NFAM1: variants seen among roughly 807,000 people sequenced by gnomAD.
NFAM1 encodes NFAT activating protein with ITAM motif 1.
Under a neutral mutation model 29.0 loss-of-function variants are expected in NFAM1, and 17 were observed. The observed-to-expected ratio is 0.59, with a 90% CI of 0.40 to 0.88. The LOEUF (loss-of-function observed/expected upper bound fraction) is 0.88, where lower values mean the gene tolerates loss of function less well. Among genes scored for constraint, NFAM1 ranks in the 40% least tolerant of loss-of-function variants. NFAM1 has a pLI of 0.00. For missense variants in NFAM1, 324 were observed against 344.6 expected (o/e 0.94, Z 0.47); for synonymous variants, 175 against 147.2 (o/e 1.19, Z -1.36).
chr22:42,395,016 A>C (rs950232989), intron 4 of NFAM1, among the ~76,000 whole-genome samples: 1 of 152,160 alleles, frequency 6.6e-6, no homozygotes, highest in Non-Finnish European at 1.5e-5. Flanking sequence ...TCTACAAAAA[A>C]TTAAAAAATT....
At chr22:42,386,567 C>G (rs958871124) in intron 5 of NFAM1, among the ~76,000 whole-genome samples, 8 of 152,180 alleles carry the variant, frequency 5.3e-5, no homozygotes, top group African/African-American at 1.7e-4. Flanking sequence ...CCAACACCAA[C>G]CTGGGGGCAG....
rs372083176 is a variant in NFAM1 at position 42,387,173 on chromosome 22, G to A, written c.664-95C>T. 3.1e-5 allele frequency: 21 copies of A among 680,184 alleles called. No individual in the cohort carries two copies. The East Asian group carries it at 3.8e-4, about 12-fold the overall frequency. The allele number at this position is 680,184 out of a possible 1,614,324, so 42.1% of individuals were successfully genotyped here. On this transcript the variant is annotated intron_variant, in intron 4 of 5. Coordinates refer to ENST00000329021, the MANE Select transcript of NFAM1 (RefSeq NM_145912.8). Reference sequence around the variant, plus strand: ...CCCCCTGCCTGTTACACACCCCACCGTGGGAGCCCAGGGGAGGGTGAAGCC... The same window carrying A: ...CCCCCTGCCTGTTACACACCCCACCATGGGAGCCCAGGGGAGGGTGAAGCC...
chr22:42,429,399 T>C (rs2146559849), intron 1 of NFAM1, among the ~76,000 whole-genome samples: 1 of 152,232 alleles, frequency 6.6e-6, no homozygotes, highest in East Asian at 1.9e-4. Flanking sequence ...GGGGATCACC[T>C]GAGGTCAGGA....
At chr22:42,427,291 A>G (rs1930654564) in intron 1 of NFAM1, among the ~76,000 whole-genome samples, 1 of 151,992 alleles carries the variant, frequency 6.6e-6, no homozygotes, top group Admixed American at 6.6e-5. Flanking sequence ...CCCATTCACT[A>G]CACAGGGGGT....
At chr22:42,398,096 C>T in intron 3 of NFAM1, 140 bp from the exon 4 acceptor site, 2 of 573,146 alleles carry the variant, frequency 3.5e-6, no homozygotes, top group Non-Finnish European at 6.2e-6. Flanking sequence ...TCACCCTCTC[C>T]AGGGAAACAT....
intron 1 of NFAM1, among the ~76,000 whole-genome samples, chr22:42,426,445 A>G (rs947405095): frequency 1.3e-5 from 2 of 152,154 alleles, no homozygotes; most frequent in Admixed American, 1.3e-4. Context: ...CCTAGAATGA[A>G]GCCCCCAGGT....
chr22:42,424,911 G>GTATTCATT (rs1930574493), intron 1 of NFAM1, among the ~76,000 whole-genome samples: 1 of 147,804 alleles, frequency 6.8e-6, no homozygotes, highest in African/African-American at 2.5e-5. Flanking sequence ...CTTTCTTTTC[G>GTATTCATT]TATTTATTTA....
intron 3 of NFAM1, among the ~76,000 whole-genome samples, chr22:42,400,523 C>T (rs1929690831): frequency 6.6e-6 from 1 of 152,160 alleles, no homozygotes; most frequent in Admixed American, 6.5e-5. Flanking sequence ...GAGGCTGAGG[C>T]AGAGAATTGC....
intron 5 of NFAM1, 147 bp from the exon 6 acceptor site, chr22:42,385,367 C>T: frequency 1.5e-6 from 1 of 666,612 alleles, no homozygotes; most frequent in Non-Finnish European, 2.7e-6. Flanking sequence ...TGTCTCCAAG[C>T]CCACCTCCCC....
In NFAM1 at chr22:42,411,715, G is replaced by A. The variant is rs1409125546; in HGVS notation, c.143C>T (p.Thr48Ile). The A allele has an allele frequency of 6.2e-7, 1 of 1,613,752 alleles. No individual in the cohort carries two copies. Among genetic ancestry groups the A allele is most frequent in the Non-Finnish European group, 8.5e-7 (1 of 1,179,656 alleles). ...CAGGGAGGCCATGATGGGCAGGCCGGTGTGGGTCACTGACTGTCCTCCTGG... is the reference window on the plus strand; with the variant it reads ...CAGGGAGGCCATGATGGGCAGGCCGATGTGGGTCACTGACTGTCCTCCTGG... Reference protein sequence around the residue: ...RLAGGQSVTHTGLPIMASLAN... With the variant: ...RLAGGQSVTHIGLPIMASLAN... The change falls in exon 2 of 6, where the codon ACC becomes ATC. Residue 48 changes from threonine to isoleucine, a missense_variant. Thr to Ile is a moderately conservative substitution (Grantham distance 89). Coordinates refer to ENST00000329021, the MANE Select transcript of NFAM1 (RefSeq NM_145912.8).
chr22:42,393,454 G>C (rs1929413491), intron 4 of NFAM1, among the ~76,000 whole-genome samples: 1 of 151,734 alleles, frequency 6.6e-6, no homozygotes, highest in Non-Finnish European at 1.5e-5. Flanking sequence ...TGTGGCCCAG[G>C]CTGGAGTGCA....
chr22:42,408,570 G>T (rs565560179), intron 3 of NFAM1, among the ~76,000 whole-genome samples: 1 of 152,224 alleles, frequency 6.6e-6, no homozygotes, highest in Non-Finnish European at 1.5e-5. Context: ...CCTGGTACCC[G>T]CTGGGCACTG....
At chr22:42,417,755 T>C (rs1027873512) in intron 1 of NFAM1, among the ~76,000 whole-genome samples, 2 of 151,840 alleles carry the variant, frequency 1.3e-5, no homozygotes, top group South Asian at 2.1e-4. Context: ...GATAGGATGG[T>C]GCAGGGAGAG....
At chr22:42,398,278 G>T (rs1023818488) in intron 3 of NFAM1, among the ~76,000 whole-genome samples, 1 of 152,198 alleles carries the variant, frequency 6.6e-6, no homozygotes, top group East Asian at 1.9e-4. Flanking sequence ...CAGCAGCCAT[G>T]GGTGGGCCCC....
At chr22:42,435,256 C>T (rs567497735), upstream of NFAM1, among the ~76,000 whole-genome samples, 1 of 152,162 alleles carries the variant, frequency 6.6e-6, no homozygotes, top group Non-Finnish European at 1.5e-5. Flanking sequence ...CCAGGTGTCC[C>T]CTGCAGTCCC....
chr22:42,437,076 C>A (rs1601770339), upstream of NFAM1: 1 of 656,930 alleles, frequency 1.5e-6, no homozygotes, highest in East Asian at 1.4e-4. Context: ...CCCCGCCACA[C>A]CAAAAGGAAT....
At chr22:42,430,598 C>G (rs2146561327) in intron 1 of NFAM1, among the ~76,000 whole-genome samples, 1 of 147,838 alleles carries the variant, frequency 6.8e-6, no homozygotes, top group African/African-American at 2.5e-5. Flanking sequence ...GGGGGTTTGT[C>G]TGCTGCTCCA....
chr22:42,401,009 C>T (rs535321511), intron 3 of NFAM1, among the ~76,000 whole-genome samples: 4 of 152,274 alleles, frequency 2.6e-5, no homozygotes, highest in Admixed American at 1.3e-4. Context: ...CCCTCCTACG[C>T]GCTGGGCCTG....
intron 1 of NFAM1, among the ~76,000 whole-genome samples, chr22:42,415,903 T>C (rs1175775218): frequency 6.6e-6 from 1 of 152,196 alleles, no homozygotes; most frequent in East Asian, 1.9e-4. Flanking sequence ...AGGGGCTCCC[T>C]GCCGTGGCAA....
Sources: gnomAD v4.1 joint callset for allele counts (sites outside exome capture counted in the v4.1 genomes callset) on GRCh38, gnomAD v4.1.1 for gene constraint, MANE v1.5 for transcripts, NCBI Gene and HGNC (gene_info 2026-07-23, HGNC 2026-07-21) for gene names.